The following SGCD variants were observed in gnomAD, a reference collection of about 807,000 sequenced individuals.
SGCD encodes the protein sarcoglycan delta.
A neutral mutation model predicts 36.6 loss-of-function variants in SGCD; 18 were observed. The observed-to-expected ratio is 0.49, with a 90% CI of 0.34 to 0.73. The LOEUF (loss-of-function observed/expected upper bound fraction) is 0.73. Among genes scored for constraint, SGCD ranks in the 30% least tolerant of loss-of-function variants. The pLI is 0.01. For synonymous variants in SGCD, 133 were observed against 130.6 expected, an observed-to-expected ratio of 1.02 and a Z score of -0.12; for missense variants, 387 against 346.7, an observed-to-expected ratio of 1.12 and a Z score of -0.92.
chr5:156,238,369 G>C (rs1469457642), intron 3 of SGCD, among the ~76,000 whole-genome samples: 2 of 152,128 alleles, frequency 1.3e-5, no homozygotes, highest in African/African-American at 4.8e-5. Context: ...CCTTTCCCTG[G>C]AGTGGGCATC....
chr5:156,075,438 C>G (rs1760748774), intron 1 of SGCD, among the ~76,000 whole-genome samples: 1 of 152,066 alleles, frequency 6.6e-6, no homozygotes, highest in African/African-American at 2.4e-5. Context: ...CAGAGGTAGT[C>G]TATAAGAGAC....
At chr5:156,393,999 A>G in intron 3 of SGCD, 1 of 355,152 alleles carries the variant, frequency 2.8e-6, no homozygotes, top group South Asian at 2.1e-5. Flanking sequence ...CATCTAACTA[A>G]TTACATCAAT....
intron 1 of SGCD, among the ~76,000 whole-genome samples, chr5:155,871,602 G>A (rs949834900): frequency 6.6e-6 from 1 of 152,136 alleles, no homozygotes; most frequent in African/African-American, 2.4e-5. Context: ...AACAGGGAAG[G>A]TAAAAAGAGG....
chr5:155,860,515 C>T, the SGCD span, among the ~76,000 whole-genome samples: 4 of 152,144 alleles, frequency 2.6e-5, no homozygotes, highest in Admixed American at 2.6e-4. Context: ...ACAACCATAT[C>T]AGAACTAGGA....
the SGCD span, among the ~76,000 whole-genome samples, chr5:155,827,137 T>C: frequency 6.6e-6 from 1 of 152,214 alleles, no homozygotes; most frequent in South Asian, 2.1e-4. Flanking sequence ...ATGAGACTAA[T>C]GGGTCACCCT....
At chr5:155,890,782 C>T (rs1756110727) in intron 1 of SGCD, among the ~76,000 whole-genome samples, 1 of 152,102 alleles carries the variant, frequency 6.6e-6, no homozygotes. Context: ...GACTGCTTCA[C>T]TATGTTGATA....
chr5:156,332,688 G>C (rs1768127301), intron 2 of SGCD, among the ~76,000 whole-genome samples: 1 of 152,186 alleles, frequency 6.6e-6, no homozygotes, highest in Non-Finnish European at 1.5e-5. Flanking sequence ...CAGGAGGACA[G>C]TATGGTGGCC....
At chr5:156,136,800 C>T (rs1762470319) in intron 3 of SGCD, among the ~76,000 whole-genome samples, 1 of 152,124 alleles carries the variant, frequency 6.6e-6, no homozygotes, top group Admixed American at 6.5e-5. Flanking sequence ...AAAGTTACTA[C>T]CTTCTTCTGT....
intron 3 of SGCD, among the ~76,000 whole-genome samples, chr5:156,497,818 C>G (rs1323523808): frequency 6.6e-6 from 1 of 152,134 alleles, no homozygotes; most frequent in African/African-American, 2.4e-5. Context: ...GGATCAGCAG[C>G]TGTGACCCAG....
intron 1 of SGCD, among the ~76,000 whole-genome samples, chr5:156,073,474 G>A (rs1044007971): frequency 1.3e-5 from 2 of 152,200 alleles, no homozygotes; most frequent in African/African-American, 4.8e-5. Flanking sequence ...GAGATAGGAA[G>A]ATTGCGTGAG....
chr5:156,086,778 A>C (rs912968578), intron 1 of SGCD, among the ~76,000 whole-genome samples: 3 of 152,256 alleles, frequency 2.0e-5, no homozygotes, highest in Admixed American at 1.3e-4. Flanking sequence ...CCATTTTGCT[A>C]TTAAGAAGCT....
At chr5:156,593,882 C>T (rs1048610815) in intron 5 of SGCD, among the ~76,000 whole-genome samples, 7 of 152,166 alleles carry the variant, frequency 4.6e-5, no homozygotes, top group Non-Finnish European at 1.0e-4. Flanking sequence ...TCAGAATCTT[C>T]TGAACAATTT....
intron 1 of SGCD, among the ~76,000 whole-genome samples, chr5:156,104,301 G>A (rs1003669694): frequency 6.6e-6 from 1 of 152,086 alleles, no homozygotes; most frequent in African/African-American, 2.4e-5. Flanking sequence ...GTGCTAATTT[G>A]CATTTGCATA....
At chr5:156,036,636 T>C (rs929572924) in intron 1 of SGCD, among the ~76,000 whole-genome samples, 24 of 152,156 alleles carry the variant, frequency 1.6e-4, no homozygotes, top group African/African-American at 5.8e-4. Flanking sequence ...TTATTTAAGC[T>C]TTTTTTACTT....
intron 4 of SGCD, among the ~76,000 whole-genome samples, chr5:156,538,702 A>C (rs1401888177): frequency 6.6e-6 from 1 of 152,102 alleles, no homozygotes; most frequent in Non-Finnish European, 1.5e-5. Context: ...TTTACGGCCC[A>C]GAGTAGATGC....
intron 8 of SGCD, 84 bp from the exon 9 acceptor site, chr5:156,759,133 G>C (rs1757445460): frequency 2.8e-6 from 3 of 1,068,322 alleles, no homozygotes; most frequent in Non-Finnish European, 4.3e-6. Context: ...CAGTTGAATT[G>C]AACATTCACT....
intron 1 of SGCD, among the ~76,000 whole-genome samples, chr5:156,016,636 A>G (rs2127572195): frequency 6.6e-6 from 1 of 152,220 alleles, no homozygotes; most frequent in South Asian, 2.1e-4. Flanking sequence ...TTTCTTACAC[A>G]AAGATAGCAT....
intron 1 of SGCD, among the ~76,000 whole-genome samples, chr5:155,970,526 AATAG>A (rs1169125696): frequency 1.3e-5 from 2 of 152,156 alleles, no homozygotes; most frequent in African/African-American, 4.8e-5. Flanking sequence ...CCAGACAACA[AATAG>A]ATAAATAAAT....
rs149436979 is a variant in SGCD at position 156,041,867 on chromosome 5, G to T, written c.-281-76011G>T. On this transcript the variant is annotated intron_variant, in intron 1 of 9. Coordinates refer to the SGCD transcript ENST00000517913. ...TGGATTACACAACTTCACAAAGGCA[G>T]TGAGTGACCTTTGGACTAAGCCTTG... Among the ~76,000 whole-genome samples, 97 of 152,332 alleles carry T rather than the reference G, an allele frequency of 6.4e-4. No individual in the cohort carries two copies. In the East Asian group the frequency reaches 0.014, roughly 22 times the overall value.
Sources: gnomAD v4.1 joint callset for allele counts (sites outside exome capture counted in the v4.1 genomes callset) on GRCh38, gnomAD v4.1.1 for gene constraint, MANE v1.5 for transcripts, NCBI Gene and HGNC (gene_info 2026-07-23, HGNC 2026-07-21) for gene names.